RSPH14: variants seen among roughly 807,000 people sequenced by gnomAD.
The protein encoded by RSPH14 is radial spoke head 14 homolog, also known as rhabdoid tumor deletion region gene 1.
A neutral mutation model predicts 26.7 loss-of-function variants in RSPH14; 20 were observed. The observed-to-expected ratio is 0.75, with a 90% CI of 0.53 to 1.09. The LOEUF is 1.09. RSPH14 is among the 50% of genes least tolerant of loss of function. The pLI is 0.00. For synonymous variants in RSPH14, 177 were observed against 189.3 expected, an observed-to-expected ratio of 0.93 and a Z score of 0.53; for missense variants, 449 against 457.2, an observed-to-expected ratio of 0.98 and a Z score of 0.16.
intron 4 of RSPH14, among the ~76,000 whole-genome samples, chr22:23,109,391 C>T (rs1465080259): frequency 6.6e-6 from 1 of 152,174 alleles, no homozygotes; most frequent in Admixed American, 6.5e-5. Context: ...GTTAAGGGAT[C>T]AGCTGCTGCT....
chr22:23,178,831 G>A, the RSPH14 span, among the ~76,000 whole-genome samples: 2 of 152,234 alleles, frequency 1.3e-5, no homozygotes, highest in Non-Finnish European at 2.9e-5. Context: ...GTGGCCCACA[G>A]GACTGGGTGG....
intron 5 of RSPH14, among the ~76,000 whole-genome samples, chr22:23,063,551 T>C (rs938416060): frequency 2.0e-5 from 3 of 152,160 alleles, no homozygotes; most frequent in Non-Finnish European, 4.4e-5. Flanking sequence ...GTCGCCTAAA[T>C]GTGAGGTTTG....
chr22:23,131,981 G>A (rs1165386879), intron 4 of RSPH14, among the ~76,000 whole-genome samples: 1 of 152,180 alleles, frequency 6.6e-6, no homozygotes, highest in Admixed American at 6.5e-5. Context: ...CACAGGCTCT[G>A]CTCTGTTGGG....
rs962096545 is a variant in RSPH14, at chr22:23,071,359, T to C, written c.422-7226A>G. On this transcript the variant is annotated intron_variant, in intron 4 of 6. Transcript: ENST00000216036. The surrounding 1 kb of genome is among the most constrained non-coding windows in gnomAD (Gnocchi z 4.1). ...CCTAGGCCGAGAATGGGGGCTCCTG[T>C]TAACTGAGACAAGAGGATGATGCCA... Among the ~76,000 whole-genome samples, 2 of 152,054 alleles carry C rather than the reference T, an allele frequency of 1.3e-5. No individual in the cohort carries two copies. The highest frequency in any genetic ancestry group is 2.9e-5 in the Non-Finnish European group (2 of 67,978).
chr22:23,141,097 G>A (rs1332980808), intron 1 of RSPH14, among the ~76,000 whole-genome samples: 3 of 152,128 alleles, frequency 2.0e-5, no homozygotes, highest in African/African-American at 4.8e-5. Flanking sequence ...TGGGAGGCCC[G>A]AGGCAGGCGG....
intron 4 of RSPH14, among the ~76,000 whole-genome samples, chr22:23,119,066 T>C (rs979821895): frequency 2.0e-5 from 3 of 152,218 alleles, no homozygotes; most frequent in African/African-American, 7.2e-5. Flanking sequence ...TTGCTTCCCA[T>C]ATGCATGCTT....
intron 4 of RSPH14, among the ~76,000 whole-genome samples, chr22:23,069,817 G>T (rs559019881): frequency 1.9e-3 from 292 of 152,274 alleles, no homozygotes; most frequent in African/African-American, 6.8e-3. Context: ...CGTTCTGAAG[G>T]ATTGGTGAGA....
the RSPH14 span, among the ~76,000 whole-genome samples, chr22:23,174,220 G>C: frequency 6.6e-6 from 1 of 151,624 alleles, no homozygotes; most frequent in East Asian, 1.9e-4. Context: ...GGTGTGTGAC[G>C]GTGTGTGTGT....
intron 4 of RSPH14, among the ~76,000 whole-genome samples, chr22:23,068,227 C>T (rs759571555): frequency 8.5e-5 from 13 of 152,208 alleles, no homozygotes; most frequent in Non-Finnish European, 1.8e-4. Flanking sequence ...TGTCACTGGC[C>T]ACCTCCACGC....
chr22:23,154,594 T>C, the RSPH14 span, among the ~76,000 whole-genome samples: 1 of 152,076 alleles, frequency 6.6e-6, no homozygotes, highest in Non-Finnish European at 1.5e-5. Flanking sequence ...GGGGCTGGGC[T>C]CACCCGTGTG....
In RSPH14 at chr22:23,084,010, GA is replaced by G. The variant is rs369355673; in HGVS notation, c.422-19878del. Among the ~76,000 whole-genome samples the G allele has an allele frequency of 1.4e-4, 22 of 152,272 alleles. No individual in the cohort carries two copies. In the East Asian group the frequency reaches 4.2e-3, roughly 29 times the overall value. ...GTGGGAGATGCAGCCAGAGAGGCAG[GA>G]ACCTTGCTTCTTGTGGAGTTAACAA... On this transcript the variant is annotated intron_variant, in intron 4 of 6. Transcript: ENST00000216036.
intron 4 of RSPH14, among the ~76,000 whole-genome samples, chr22:23,070,079 G>C (rs567680476): frequency 6.6e-6 from 1 of 152,172 alleles, no homozygotes; most frequent in Non-Finnish European, 1.5e-5. Context: ...GGAGTCGGTG[G>C]AACGCCGGCG....
intron 4 of RSPH14, among the ~76,000 whole-genome samples, chr22:23,130,084 G>GGAAGA (rs2070291299): frequency 5.8e-5 from 3 of 51,752 alleles, no homozygotes; most frequent in South Asian, 6.9e-4. Context: ...AGAAAGAAAG[G>GGAAGA]AAGAAAGAAA....
chr22:23,145,152 T>G (rs964226864), upstream of RSPH14: 35 of 590,146 alleles, frequency 5.9e-5, 1 homozygote, highest in Non-Finnish European at 1.1e-4. Context: ...CCGCCCAACC[T>G]CTCCCAGCCG....
the RSPH14 span, among the ~76,000 whole-genome samples, chr22:23,158,610 T>C: frequency 1.6e-4 from 25 of 152,330 alleles, no homozygotes; most frequent in Non-Finnish European, 3.2e-4. Flanking sequence ...TTCTAGTTGA[T>C]AAACATGCAG....
intron 4 of RSPH14, among the ~76,000 whole-genome samples, chr22:23,065,919 G>C (rs749941461): frequency 1.3e-5 from 2 of 152,010 alleles, no homozygotes; most frequent in African/African-American, 2.4e-5. Flanking sequence ...CACCCCTCCC[G>C]AGGCCTGATC....
In RSPH14 at chr22:23,061,942, T is replaced by C; in HGVS notation, c.657A>G (p.Ile219Met). ...ACACCTGTTTCTTGCCCTCTCGAGA[T>C]ATGCTGGGGCAGAGAGGGAACAGAG... ...KAARALLNVSISREGKKQVCH... is the reference protein window; with the variant it reads ...KAARALLNVSMSREGKKQVCH... The change falls in exon 6 of 7, where the codon ATA becomes ATG. Residue 219 changes from isoleucine to methionine, a missense_variant. Physicochemically the swap from Ile to Met is conservative, Grantham distance 10. Transcript: ENST00000216036. 6.2e-7 allele frequency: 1 copy of C among 1,613,572 alleles called. No individual in the cohort carries two copies. The highest frequency in any genetic ancestry group is 8.5e-7 in the Non-Finnish European group (1 of 1,179,826).
upstream of RSPH14, chr22:23,145,527 G>GC (rs2070713487): frequency 6.2e-7 from 1 of 1,603,284 alleles, no homozygotes; most frequent in African/African-American, 1.3e-5. Flanking sequence ...GCCGCGCGGA[G>GC]CCCCAGCTTT....
the RSPH14 span, among the ~76,000 whole-genome samples, chr22:23,157,276 A>G: frequency 1.3e-5 from 2 of 149,942 alleles, no homozygotes; most frequent in South Asian, 2.1e-4. Context: ...TTTGAGCCTG[A>G]GTCTCGCTTT....
Sources: gnomAD v4.1 joint callset for allele counts (sites outside exome capture counted in the v4.1 genomes callset) on GRCh38, gnomAD v4.1.1 for gene constraint, Gnocchi (gnomAD v3.1) non-coding constraint, MANE v1.5 for transcripts, NCBI Gene and HGNC (gene_info 2026-07-23, HGNC 2026-07-21) for gene names.